NUAK1: variants seen among roughly 807,000 people sequenced by gnomAD.
NUAK1 encodes the protein NUAK family kinase 1.
Under a neutral mutation model 56.9 loss-of-function variants are expected in NUAK1, and 26 were observed. The ratio of observed to expected loss-of-function variants is 0.46; its 90% CI spans 0.33 to 0.63. The LOEUF is 0.63. NUAK1 is among the 30% of genes least tolerant of loss of function. The pLI is 0.02. For missense variants in NUAK1, 727 were observed against 876.1 expected (o/e 0.83, Z 2.15); for synonymous variants, 337 against 336.0 (o/e 1.00, Z -0.03).
At chr12:106,133,958 G>T (rs371748057) in intron 1 of NUAK1, among the ~76,000 whole-genome samples, 1 of 152,132 alleles carries the variant, frequency 6.6e-6, no homozygotes, top group Non-Finnish European at 1.5e-5. Context: ...TCATCGAACT[G>T]AACAGAATTA....
intron 6 of NUAK1, among the ~76,000 whole-genome samples, chr12:106,070,368 T>C (rs1433400852): frequency 6.6e-6 from 1 of 152,226 alleles, no homozygotes; most frequent in East Asian, 1.9e-4. Context: ...CCCATGCCAG[T>C]GGCACAGTAG....
At chr12:106,082,624 T>C (rs17038091) in intron 4 of NUAK1, among the ~76,000 whole-genome samples, 24,932 of 152,224 alleles carry the variant, frequency 0.16, 2,245 homozygotes, top group Admixed American at 0.22. Context: ...GAGAACTACT[T>C]TGACCAACTA....
intron 1 of NUAK1, among the ~76,000 whole-genome samples, chr12:106,123,548 C>T (rs867870806): frequency 6.6e-5 from 10 of 152,280 alleles, no homozygotes; most frequent in Middle Eastern, 3.4e-3. Flanking sequence ...CAAAAGGCAA[C>T]ATGAGCTATG....
chr12:106,081,157 C>T (rs1033181069), intron 4 of NUAK1, among the ~76,000 whole-genome samples: 1 of 152,168 alleles, frequency 6.6e-6, no homozygotes, highest in African/African-American at 2.4e-5. Context: ...TTTTGAAGTA[C>T]CTACTGTGTG....
intron 4 of NUAK1, among the ~76,000 whole-genome samples, chr12:106,073,211 T>C (rs1398398004): frequency 6.6e-6 from 1 of 152,232 alleles, no homozygotes; most frequent in Non-Finnish European, 1.5e-5. Flanking sequence ...AACATTAAAG[T>C]GTGTAACTAT....
chr12:106,097,753 G>C (rs565989029), intron 2 of NUAK1, among the ~76,000 whole-genome samples: 2 of 152,274 alleles, frequency 1.3e-5, no homozygotes, highest in South Asian at 2.1e-4. Context: ...TGTCAAATTT[G>C]GGTGTACATC....
intron 2 of NUAK1, among the ~76,000 whole-genome samples, chr12:106,095,037 C>T (rs1227841365): frequency 6.6e-6 from 1 of 152,160 alleles, no homozygotes; most frequent in Non-Finnish European, 1.5e-5. Flanking sequence ...CGGGCGCTAT[C>T]AGCCATCACC....
At chr12:106,070,379 T>C (rs186235570) in intron 6 of NUAK1, among the ~76,000 whole-genome samples, 5 of 152,342 alleles carry the variant, frequency 3.3e-5, no homozygotes, top group African/African-American at 1.2e-4. Flanking sequence ...GGCACAGTAG[T>C]GAGAGACAGA....
chr12:106,108,815 T>C (rs985642561), intron 1 of NUAK1, among the ~76,000 whole-genome samples: 1 of 152,018 alleles, frequency 6.6e-6, no homozygotes, highest in Non-Finnish European at 1.5e-5. Context: ...GGTAAAAAAA[T>C]AGGCCCACTT....
At chr12:106,125,610 G>T (rs976778485) in intron 1 of NUAK1, among the ~76,000 whole-genome samples, 4 of 152,156 alleles carry the variant, frequency 2.6e-5, no homozygotes, top group African/African-American at 9.7e-5. Context: ...TGCTATGAGG[G>T]TTGTTAAGGG....
At chr12:106,125,792 A>G (rs2033019861) in intron 1 of NUAK1, among the ~76,000 whole-genome samples, 2 of 152,106 alleles carry the variant, frequency 1.3e-5, no homozygotes, top group African/African-American at 2.4e-5. Context: ...CCCACTAACC[A>G]TGAGGATGAT....
chr12:106,066,573 A>T lies in NUAK1; in HGVS notation c.*229T>A, dbSNP rs2032341016. 1 of 571,688 alleles carries T rather than the reference A, an allele frequency of 1.7e-6. No homozygotes were observed. The highest frequency in any genetic ancestry group is 3.0e-5 in the Admixed American group (1 of 32,880). 35.4% of individuals were successfully genotyped at this position (571,688 alleles called of 1,614,324 possible). On this transcript the variant is annotated 3_prime_UTR_variant, in exon 7 of 7. Coordinates refer to ENST00000261402, the MANE Select transcript of NUAK1 (RefSeq NM_014840.3). ...GGTCCTCTAGGAGGTGCCATAAAGC[A>T]AATGCCAAACAGGGCCCAAATTCTG...
chr12:106,108,018 G>C (rs3782692), intron 1 of NUAK1, among the ~76,000 whole-genome samples: 27,186 of 152,002 alleles, frequency 0.18, 2,720 homozygotes, highest in Admixed American at 0.23. Context: ...GCATACGGTA[G>C]ACCCGGGAAA....
intron 1 of NUAK1, among the ~76,000 whole-genome samples, chr12:106,112,280 C>T (rs1031272384): frequency 6.6e-5 from 10 of 152,108 alleles, no homozygotes; most frequent in African/African-American, 1.9e-4. Context: ...CTGCAGGGCA[C>T]GAAGTCAGAG....
At chr12:106,101,474 T>C (rs906861581) in intron 2 of NUAK1, among the ~76,000 whole-genome samples, 1 of 152,080 alleles carries the variant, frequency 6.6e-6, no homozygotes, top group Non-Finnish European at 1.5e-5. Context: ...CCTAATCCAA[T>C]ATGACTGGTG....
chr12:106,077,893 A>T (rs736788), intron 4 of NUAK1, among the ~76,000 whole-genome samples: 111,959 of 152,172 alleles, frequency 0.74, 42,436 homozygotes, highest in East Asian at 0.98. Flanking sequence ...AACCAAATAA[A>T]CTGATTCATG....
At chr12:106,131,334 C>T (rs1010704583) in intron 1 of NUAK1, among the ~76,000 whole-genome samples, 1 of 152,140 alleles carries the variant, frequency 6.6e-6, no homozygotes, top group Non-Finnish European at 1.5e-5. Flanking sequence ...CACCCATTAG[C>T]AGCTACTCCC....
intron 2 of NUAK1, among the ~76,000 whole-genome samples, chr12:106,102,570 C>T (rs1048225268): frequency 3.9e-5 from 6 of 152,218 alleles, no homozygotes; most frequent in African/African-American, 1.4e-4. Context: ...ATTCACAGAT[C>T]CCTGCAGCTC....
Position 106,067,753 on chromosome 12 carries a change from G to C in NUAK1, c.1035C>G (p.Thr345=). 1 of 1,614,140 alleles carries C rather than the reference G, an allele frequency of 6.2e-7. No individual in the cohort carries two copies. The highest frequency in any genetic ancestry group is 8.5e-7 in the Non-Finnish European group (1 of 1,180,032). ...HHRSTGLQAD[T]EAKMKGLAKP... is the part of the protein sequence containing the mutation. ...TGGCCAGGCCCTTCATTTTGGCTTC[G>C]GTGTCAGCCTGCAGCCCTGTGGAAC... The change falls in exon 7 of 7, where the codon ACC becomes ACG. Residue 345 remains threonine (T), a synonymous_variant. Coordinates refer to ENST00000261402, the MANE Select transcript of NUAK1 (RefSeq NM_014840.3). The surrounding 1 kb of genome is among the most constrained non-coding windows in gnomAD (Gnocchi z 6.0).
Sources: gnomAD v4.1 joint callset for allele counts (sites outside exome capture counted in the v4.1 genomes callset) on GRCh38, gnomAD v4.1.1 for gene constraint, Gnocchi (gnomAD v3.1) non-coding constraint, MANE v1.5 for transcripts, NCBI Gene and HGNC (gene_info 2026-07-23, HGNC 2026-07-21) for gene names.